CATSPERE: variants seen among roughly 807,000 people sequenced by gnomAD.
CATSPERE encodes cation channel sperm-associated auxiliary subunit epsilon.
Under a neutral mutation model 114.1 loss-of-function variants are expected in CATSPERE, and 93 were observed. The observed-to-expected ratio is 0.81, with a 90% CI of 0.69 to 0.97. The LOEUF is 0.97. Ranked by LOEUF, CATSPERE falls within the 50% of genes least tolerant of loss-of-function variation. CATSPERE has a pLI of 0.00. For synonymous variants in CATSPERE, 341 were observed against 384.1 expected, an observed-to-expected ratio of 0.89 and a Z score of 1.31; for missense variants, 1,058 against 1,131.6, an observed-to-expected ratio of 0.93 and a Z score of 0.93.
In CATSPERE at chr1:244,573,517, G is replaced by C. The variant is rs971664735; in HGVS notation, c.1950+745G>C. Among the ~76,000 whole-genome samples the C allele has an allele frequency of 6.6e-6, 1 of 152,186 alleles. No homozygotes were observed. The highest frequency in any genetic ancestry group is 1.5e-5 in the Non-Finnish European group (1 of 68,016). On this transcript the variant is annotated intron_variant, in intron 11 of 21. Coordinates refer to ENST00000366534, the MANE Select transcript of CATSPERE (RefSeq NM_001130957.2). This position sits in a 1 kb window ranked among gnomAD's most constrained non-coding sequence, Gnocchi z 4.0. ...AGTTCTGCTGGTTTCATCTGGGTTC[G>C]TGGATGTGATGTGGGCATCTGCTAA...
chr1:244,544,756 G>A (rs1411064309), intron 8 of CATSPERE, among the ~76,000 whole-genome samples: 3 of 152,190 alleles, frequency 2.0e-5, no homozygotes, highest in Non-Finnish European at 4.4e-5. Flanking sequence ...GTGGACAGTG[G>A]GTTGTCATAT....
intron 11 of CATSPERE, among the ~76,000 whole-genome samples, chr1:244,577,995 A>AT (rs1279107141): frequency 6.6e-6 from 1 of 152,186 alleles, no homozygotes; most frequent in African/African-American, 2.4e-5. Context: ...ATAGGACTGG[A>AT]TTGATAATGT....
upstream of CATSPERE, among the ~76,000 whole-genome samples, chr1:244,458,341 ATTG>A (rs1407606237): frequency 5.3e-5 from 8 of 152,128 alleles, no homozygotes; most frequent in Non-Finnish European, 1.0e-4. Context: ...GTTATGTAAA[ATTG>A]TTGTATGCCA....
chr1:244,604,986 C>A (rs1437763909), intron 17 of CATSPERE, among the ~76,000 whole-genome samples: 1 of 152,152 alleles, frequency 6.6e-6, no homozygotes, highest in Non-Finnish European at 1.5e-5. Flanking sequence ...TGGTAGAAGT[C>A]GTCTTGCATT....
intron 5 of CATSPERE, among the ~76,000 whole-genome samples, chr1:244,483,274 A>T (rs1459973936): frequency 6.6e-6 from 1 of 152,238 alleles, no homozygotes; most frequent in African/African-American, 2.4e-5. Flanking sequence ...AGTAATTTAC[A>T]TGTGCATTAT....
chr1:244,490,801 T>G (rs913277223), intron 6 of CATSPERE, among the ~76,000 whole-genome samples: 1 of 152,180 alleles, frequency 6.6e-6, no homozygotes, highest in Admixed American at 6.5e-5. Context: ...TGAGCATCCA[T>G]TCTTACTGAT....
At chr1:244,603,833 C>T (rs1669616009) in intron 17 of CATSPERE, among the ~76,000 whole-genome samples, 1 of 152,032 alleles carries the variant, frequency 6.6e-6, no homozygotes, top group South Asian at 2.1e-4. Context: ...TAGTGAGACT[C>T]CCCATCTCTA....
chr1:244,639,576 G>C (rs868271685), intron 21 of CATSPERE, among the ~76,000 whole-genome samples: 1 of 152,030 alleles, frequency 6.6e-6, no homozygotes, highest in Non-Finnish European at 1.5e-5. Flanking sequence ...TGTAATCCCA[G>C]CTGCTTGGGA....
chr1:244,619,017 T>C (rs1333527907), intron 20 of CATSPERE, among the ~76,000 whole-genome samples: 2 of 152,254 alleles, frequency 1.3e-5, no homozygotes, highest in Admixed American at 1.3e-4. Flanking sequence ...TTGACCACAA[T>C]AGGTAATGGG....
At chr1:244,549,344 C>G (rs906752923) in intron 8 of CATSPERE, among the ~76,000 whole-genome samples, 3 of 152,076 alleles carry the variant, frequency 2.0e-5, no homozygotes, top group African/African-American at 7.2e-5. Context: ...AACCACATAA[C>G]CAGTTACATA....
At chr1:244,639,666 G>A (rs1348404983) in intron 21 of CATSPERE, among the ~76,000 whole-genome samples, 1 of 127,518 alleles carries the variant, frequency 7.8e-6, no homozygotes, top group Admixed American at 8.8e-5. Flanking sequence ...GTGACAGAGG[G>A]AGACTCCATC....
intron 18 of CATSPERE, among the ~76,000 whole-genome samples, chr1:244,609,186 T>TAAAC (rs749874970): frequency 5.1e-4 from 77 of 152,082 alleles, no homozygotes; most frequent in Non-Finnish European, 8.5e-4. Flanking sequence ...ATTCCGTCTC[T>TAAAC]AAACAAACAA....
At chr1:244,467,830 A>C (rs1302493724) in intron 2 of CATSPERE, among the ~76,000 whole-genome samples, 1 of 152,160 alleles carries the variant, frequency 6.6e-6, no homozygotes, top group Non-Finnish European at 1.5e-5. Context: ...ATCTCACTGT[A>C]CTCTGTGAAA....
chr1:244,588,069 CTA>C (rs1166621177), intron 13 of CATSPERE, among the ~76,000 whole-genome samples: 2 of 151,858 alleles, frequency 1.3e-5, no homozygotes, highest in Admixed American at 6.6e-5. Flanking sequence ...TGGTGCATGC[CTA>C]TAATCCCAGC....
At chr1:244,488,980 A>G (rs535773834) in intron 5 of CATSPERE, among the ~76,000 whole-genome samples, 11 of 152,356 alleles carry the variant, frequency 7.2e-5, no homozygotes, top group Admixed American at 5.9e-4. Flanking sequence ...TGTACTAGAC[A>G]CTGCAGTAAT....
At position 244,595,924 on chromosome 1, in the gene CATSPERE, C is replaced by T. The variant is rs139489189; in HGVS notation, c.2303+2346C>T. Among the ~76,000 whole-genome samples the T allele has an allele frequency of 7.8e-3, 1,186 of 151,886 alleles. 6 individuals carry two copies. The highest frequency in any genetic ancestry group is 0.012 in the Admixed American group (188 of 15,270). Reference sequence around the variant, plus strand: ...CTCTAGCCTGGGCGACAGAGCGAGACTCCGTCTCAAAAAAGAAAAAAAAAA... The same window carrying T: ...CTCTAGCCTGGGCGACAGAGCGAGATTCCGTCTCAAAAAAGAAAAAAAAAA... On this transcript the variant is annotated intron_variant, in intron 17 of 21. Transcript: ENST00000366534.
Position 244,540,651 on chromosome 1 carries a change from A to C in CATSPERE, c.537-11671A>C, listed in dbSNP as rs554798483. ...GACTTTCTTCACAGAATTGGAAAAAACTACTTTAAAGTTCATATGGAACCA... is the reference window on the plus strand; with the variant it reads ...GACTTTCTTCACAGAATTGGAAAAACCTACTTTAAAGTTCATATGGAACCA... On this transcript the variant is annotated intron_variant, in intron 8 of 21. Coordinates refer to ENST00000366534, the MANE Select transcript of CATSPERE (RefSeq NM_001130957.2). Among the ~76,000 whole-genome samples, 797 of 149,194 alleles carry C rather than the reference A, an allele frequency of 5.3e-3. 9 individuals carry two copies. Among genetic ancestry groups the C allele is most frequent in the African/African-American group, 0.019 (768 of 40,684 alleles).
At chr1:244,518,095 C>G (rs1355621201) in intron 7 of CATSPERE, among the ~76,000 whole-genome samples, 1 of 152,176 alleles carries the variant, frequency 6.6e-6, no homozygotes, top group African/African-American at 2.4e-5. Context: ...AATTCCAACT[C>G]AATTCCCCTT....
intron 5 of CATSPERE, among the ~76,000 whole-genome samples, chr1:244,487,875 A>T (rs1221814852): frequency 6.6e-6 from 1 of 152,140 alleles, no homozygotes; most frequent in Non-Finnish European, 1.5e-5. Context: ...TACAAAACAT[A>T]ATTTCAAAGA....
Sources: gnomAD v4.1 joint callset for allele counts (sites outside exome capture counted in the v4.1 genomes callset) on GRCh38, gnomAD v4.1.1 for gene constraint, Gnocchi (gnomAD v3.1) non-coding constraint, MANE v1.5 for transcripts, NCBI Gene and HGNC (gene_info 2026-07-23, HGNC 2026-07-21) for gene names.